VPS13A: variants seen among roughly 807,000 people sequenced by gnomAD.
VPS13A encodes the protein vacuolar protein sorting 13 homolog A.
VPS13A carries 264 observed loss-of-function variants against 390.9 expected under a neutral mutation model. The observed-to-expected ratio is 0.68, with a 90% confidence interval of 0.61 to 0.75. The LOEUF is 0.75. Ranked by LOEUF, VPS13A falls within the 30% of genes least tolerant of loss-of-function variation. The pLI is 0.00. For missense variants in VPS13A, 3,409 were observed against 3,733.9 expected, an observed-to-expected ratio of 0.91 and a Z score of 2.27; for synonymous variants, 1,231 against 1,227.1, an observed-to-expected ratio of 1.00 and a Z score of -0.07.
rs538455156 is a variant in VPS13A at position 77,343,155 on chromosome 9, A to T, written c.7027-998A>T. Among the ~76,000 whole-genome samples the T allele has an allele frequency of 2.6e-5, 4 of 152,298 alleles. No individual in the cohort carries two copies. The South Asian group carries it at 6.2e-4, about 24-fold the overall frequency. Reference sequence around the variant, plus strand: ...GGAAGGCCTCTGCCAAAAAGCTCTCATAAAGAGCTTCCGAATGAAGTGCCT... The same window carrying T: ...GGAAGGCCTCTGCCAAAAAGCTCTCTTAAAGAGCTTCCGAATGAAGTGCCT... On this transcript the variant is annotated intron_variant, in intron 50 of 71. Transcript: ENST00000360280.
intron 51 of VPS13A, 139 bp from the exon 52 acceptor site, chr9:77,344,867 TGCA>T: frequency 1.2e-6 from 1 of 825,444 alleles, no homozygotes; most frequent in East Asian, 2.6e-5. Flanking sequence ...TTTCCAGAAA[TGCA>T]GTACAAAATT....
At chr9:77,344,039 G>GT (rs1563942806) in intron 50 of VPS13A, 114 bp from the exon 51 acceptor site, 1 of 1,026,724 alleles carries the variant, frequency 9.7e-7, no homozygotes, top group Non-Finnish European at 1.4e-6. Flanking sequence ...CTAGAGCAGT[G>GT]TTAAAACAGG....
intron 33 of VPS13A, among the ~76,000 whole-genome samples, chr9:77,299,075 G>A (rs1033428336): frequency 1.3e-5 from 2 of 152,092 alleles, no homozygotes; most frequent in East Asian, 1.9e-4. Flanking sequence ...TTGTAGATGC[G>A]TGGTGTTATT....
chr9:77,308,726 A>G (rs780523521), intron 35 of VPS13A, among the ~76,000 whole-genome samples: 1 of 152,182 alleles, frequency 6.6e-6, no homozygotes, highest in Non-Finnish European at 1.5e-5. Context: ...CTGGGATGAC[A>G]TTGCTGCATA....
chr9:77,314,605 C>T lies in VPS13A; in HGVS notation c.4353C>T (p.Phe1451=). 1 of 1,611,938 alleles carries T rather than the reference C, an allele frequency of 6.2e-7. No individual in the cohort carries two copies. ...MYTDGSTFSS[F]SLKNCILDDK... is the part of the protein sequence containing the mutation. ...CAGATGGCTCAACATTTTCTTCCTT[C>T]TCATTAAAAAACTGTATTTTAGATG... Residue 1451 remains phenylalanine (F), a synonymous_variant, in exon 37 of 72, where the codon TTC becomes TTT. Transcript: ENST00000360280.
chr9:77,382,367 G>C lies in VPS13A; in HGVS notation c.9189+280G>C, dbSNP rs973651394. 1.0e-5 allele frequency: 15 copies of C among 1,499,534 alleles called. No individual in the cohort carries two copies. In the East Asian group the frequency reaches 3.7e-4, roughly 37 times the overall value. 92.9% of individuals were successfully genotyped at this position (1,499,534 alleles called of 1,614,324 possible). On this transcript the variant is annotated intron_variant, in intron 68 of 71. Transcript: ENST00000360280. ...TTTAGTCTTAAAATTTACAAACTAC[G>C]TACAGCTGTTTCAGTATTTTGAATA...
intron 71 of VPS13A, among the ~76,000 whole-genome samples, chr9:77,411,826 A>C (rs1185762492): frequency 6.6e-6 from 1 of 152,070 alleles, no homozygotes; most frequent in Non-Finnish European, 1.5e-5. Flanking sequence ...GAAAATATCA[A>C]CAAAATTGAT....
intron 69 of VPS13A, 81 bp from the exon 70 acceptor site, chr9:77,405,783 C>G (rs1338067952): frequency 5.1e-6 from 8 of 1,561,724 alleles, no homozygotes; most frequent in African/African-American, 2.7e-5. Flanking sequence ...TTTGCACTTG[C>G]GATTCATTCG....
intron 39 of VPS13A, 116 bp from the exon 40 acceptor site, chr9:77,317,490 A>T: frequency 2.8e-6 from 2 of 725,948 alleles, no homozygotes; most frequent in Admixed American, 2.6e-5. Context: ...GTCACTTTTT[A>T]AATAGTTGTT....
rs61562443 is a variant in VPS13A at position 77,377,203 on chromosome 9, G to GTTTT, written c.9078-4749_9078-4746dup. 4.4e-3 allele frequency among the ~76,000 whole-genome samples: 307 copies of GTTTT among 69,070 alleles called. 54 individuals are homozygous for GTTTT. The highest frequency in any genetic ancestry group is 0.016 in the African/African-American group (278 of 17,258). 45.3% of individuals were successfully genotyped at this position (69,070 alleles called of 152,430 possible). A position where few individuals can be genotyped will look rare whatever the true frequency, so the allele number is the denominator to read the frequency against. ...CTTATTCCTAAGTATTTTTGATGCT[G>GTTTT]TTTTTTTTTTTTTTTTTTTTTTTTT... On this transcript the variant is annotated intron_variant, in intron 67 of 71. Coordinates refer to ENST00000360280, the MANE Select transcript of VPS13A (RefSeq NM_033305.3).
intron 38 of VPS13A, 72 bp downstream of exon 38, chr9:77,315,542 C>T (rs1587562482): frequency 1.5e-6 from 2 of 1,378,510 alleles, no homozygotes; most frequent in Non-Finnish European, 2.0e-6. Context: ...CTTGATTAGC[C>T]TTTTAGATCA....
intron 35 of VPS13A, among the ~76,000 whole-genome samples, chr9:77,311,937 A>C (rs1829097999): frequency 1.3e-5 from 2 of 152,204 alleles, no homozygotes; most frequent in South Asian, 2.1e-4. Flanking sequence ...TGACAAGGGA[A>C]ATTAAGAAGT....
chr9:77,415,049 A>G (rs544516272), intron 71 of VPS13A, among the ~76,000 whole-genome samples: 1 of 152,346 alleles, frequency 6.6e-6, no homozygotes, highest in South Asian at 2.1e-4. Context: ...AAAACACAAA[A>G]GGAGCAAGTT....
At chr9:77,284,103 AAT>A (rs1827196640) in intron 31 of VPS13A, among the ~76,000 whole-genome samples, 1 of 152,034 alleles carries the variant, frequency 6.6e-6, no homozygotes, top group African/African-American at 2.4e-5. Flanking sequence ...TTGTTGTAAT[AAT>A]GATAAGAGAG....
rs774433023 is a variant in VPS13A, at chr9:77,368,156, A to T, written c.8553+20A>T. 30 of 1,585,568 alleles carry T rather than the reference A, an allele frequency of 1.9e-5. No homozygotes were observed. The highest frequency in any genetic ancestry group is 2.5e-5 in the Non-Finnish European group (29 of 1,157,938). ...AAACAGGTTTGTCTAAGATTATATTACAGAGGGACAGAGTGATACAGACTG... is the reference window on the plus strand; with the variant it reads ...AAACAGGTTTGTCTAAGATTATATTTCAGAGGGACAGAGTGATACAGACTG... On this transcript the variant is annotated intron_variant, in intron 62 of 71. Coordinates refer to ENST00000360280, the MANE Select transcript of VPS13A (RefSeq NM_033305.3).
At chr9:77,365,734 A>T (rs1049540181) in intron 60 of VPS13A, among the ~76,000 whole-genome samples, 161 bp downstream of exon 60, 1 of 152,070 alleles carries the variant, frequency 6.6e-6, no homozygotes, top group African/African-American at 2.4e-5. Flanking sequence ...TTTTTAAATA[A>T]CTTTTTATCA....
intron 22 of VPS13A, among the ~76,000 whole-genome samples, chr9:77,258,313 G>A (rs961517127): frequency 1.3e-5 from 2 of 152,184 alleles, no homozygotes. Flanking sequence ...CCTAGTTAAA[G>A]TGTACTAGGA....
intron 68 of VPS13A, among the ~76,000 whole-genome samples, chr9:77,386,334 C>A (rs1833681504): frequency 6.6e-6 from 1 of 152,178 alleles, no homozygotes; most frequent in African/African-American, 2.4e-5. Flanking sequence ...TGGCTTCTTA[C>A]ATTCCAACTT....
At chr9:77,247,905 T>TG (rs1824916740) in intron 20 of VPS13A, among the ~76,000 whole-genome samples, 1 of 152,204 alleles carries the variant, frequency 6.6e-6, no homozygotes, top group Non-Finnish European at 1.5e-5. Context: ...GTGATCCACT[T>TG]GCATTGGCTT....
Sources: allele counts gnomAD v4.1 joint callset (sites outside exome capture counted in the v4.1 genomes callset), GRCh38; gene constraint gnomAD v4.1.1; transcripts MANE v1.5; gene names NCBI Gene and HGNC (gene_info 2026-07-23, HGNC 2026-07-21).